The following CDC20 variants were observed in gnomAD, a reference collection of about 807,000 sequenced individuals.
The protein encoded by CDC20 is cell division cycle 20, also known as cell division cycle protein 20 homolog.
In CDC20, 34 loss-of-function variants were observed where a neutral mutation model predicts 60.0. That is an observed-to-expected ratio of 0.57 (90% confidence interval 0.43 to 0.75). The LOEUF is 0.75. Ranked by LOEUF, CDC20 falls within the 30% of genes least tolerant of loss-of-function variation. The pLI, the probability that CDC20 is intolerant of heterozygous loss-of-function variation, is 0.00. For synonymous variants in CDC20, 198 were observed against 243.5 expected, an observed-to-expected ratio of 0.81 and a Z score of 1.74; for missense variants, 469 against 647.3, an observed-to-expected ratio of 0.72 and a Z score of 2.99.
chr1:43,359,397 GT>G lies in CDC20; in HGVS notation c.181+2del. On this transcript the variant is annotated splice_donor_variant, in intron 2 of 10. Coordinates refer to ENST00000310955, the MANE Select transcript of CDC20 (RefSeq NM_001255.3). LOFTEE classifies it high-confidence loss of function. ...GGCAGGACTCCGGGCCGAACTCCTG[GT>G]CAGTGAGGTGCCAAAGGAACTGAGT... 6.2e-7 allele frequency: 1 copy of G among 1,612,898 alleles called. No individual in the cohort carries two copies. Among genetic ancestry groups the G allele is most frequent in the East Asian group, 2.2e-5 (1 of 44,840 alleles).
rs750044222 is a variant in CDC20, at chr1:43,359,304, G to T, written c.89G>T (p.Arg30Leu). Residue 30 changes from arginine to leucine, a missense_variant, in exon 2 of 11, where the codon CGC becomes CTC. This residue lies in a region of CDC20 where 115 missense variants were observed against 156.1 expected (regional missense o/e 0.74). Transcript: ENST00000310955. The part of the protein sequence containing the change: ...IPNAPPARWQ[R>L]KAKEAAGPAP... ...AATGCACCCCCTGCGCGCTGGCAGC[G>T]CAAAGCCAAGGAAGCCGCAGGCCCG... 15 of 1,612,596 alleles carry T rather than the reference G, an allele frequency of 9.3e-6. No individual in the cohort carries two copies. Among genetic ancestry groups the T allele is most frequent in the African/African-American group, 1.3e-5 (1 of 75,024 alleles).
Position 43,360,230 on chromosome 1 carries a change from G to A in CDC20, c.594G>A (p.Leu198=), listed in dbSNP as rs745942803. ...NLVDWSSGNV[L]AVALDNSVYL... is the part of the protein sequence containing the mutation. ...TGGATTGGAGTTCTGGGAATGTACT[G>A]GCCGTGGCACTGGACAACAGTGTGT... Residue 198 remains leucine (L), a synonymous_variant, in exon 6 of 11, where the codon CTG becomes CTA. Transcript: ENST00000310955. 25 of 1,614,096 alleles carry A rather than the reference G, an allele frequency of 1.5e-5. No homozygotes were observed. Among genetic ancestry groups the A allele is most frequent in the Non-Finnish European group, 2.0e-5 (24 of 1,180,048 alleles).
rs1371181265 is a variant in CDC20, at chr1:43,360,781, A to C, written c.897A>C (p.Glu299Asp). The C allele has an allele frequency of 5.0e-6, 8 of 1,614,162 alleles. No individual in the cohort carries two copies. The highest frequency in any genetic ancestry group is 6.8e-6 in the Non-Finnish European group (8 of 1,180,004). Residue 299 changes from glutamate (E) to aspartate (D), a missense_variant, in exon 8 of 11, where the codon GAA becomes GAC. By Grantham distance (45) the Glu-to-Asp change is conservative. This residue lies in a region of CDC20 where 255 missense variants were observed against 326.7 expected (regional missense o/e 0.78). Transcript: ENST00000310955. ...HIHHHDVRVA[E>D]HHVATLSGHS... ...ACCACCATGATGTTCGGGTAGCAGAACACCATGTGGCCACACTGAGTGGCC... is the reference window on the plus strand; with the variant it reads ...ACCACCATGATGTTCGGGTAGCAGACCACCATGTGGCCACACTGAGTGGCC...
intron 9 of CDC20, 82 bp from the exon 10 acceptor site, chr1:43,362,113 G>A: frequency 1.3e-6 from 1 of 762,330 alleles, no homozygotes; most frequent in Non-Finnish European, 2.3e-6. Context: ...CATGTGGCAG[G>A]GTGCCTAACA....
At chr1:43,362,132 G>T in intron 9 of CDC20, 63 bp from the exon 10 acceptor site, 1 of 923,352 alleles carries the variant, frequency 1.1e-6, no homozygotes, top group South Asian at 1.4e-5. Flanking sequence ...CACTAGAATG[G>T]GCTCAGTTCT....
At chr1:43,359,124 G>A in intron 1 of CDC20, 43 bp from the exon 2 acceptor site, 1 of 1,337,434 alleles carries the variant, frequency 7.5e-7, no homozygotes, top group Non-Finnish European at 1.1e-6. Flanking sequence ...GAGCGAAGGG[G>A]TCCCTTTCTG....
In CDC20 at chr1:43,363,033, G is replaced by GCTAT. The variant is rs1553130111; in HGVS notation, c.1405_1408dup (p.Trp470SerfsTer6). 6.2e-7 allele frequency: 1 copy of GCTAT among 1,613,670 alleles called. No individual in the cohort carries two copies. The highest frequency in any genetic ancestry group is 1.7e-5 in the Admixed American group (1 of 59,898). On this transcript the variant is annotated frameshift_variant, in exon 11 of 11. Coordinates refer to ENST00000310955, the MANE Select transcript of CDC20 (RefSeq NM_001255.3). LOFTEE classifies it high-confidence loss of function. Reference sequence around the variant, plus strand: ...CCGCAGCAGCAGATGAGACCCTGAGGCTATGGCGCTGTTTTGAGTTGGACC... The same window carrying GCTAT: ...CCGCAGCAGCAGATGAGACCCTGAGGCTATCTATGGCGCTGTTTTGAGTTGGACC...
intron 5 of CDC20, 27 bp downstream of exon 5, chr1:43,360,124 T>C: frequency 1.2e-6 from 2 of 1,614,168 alleles, no homozygotes; most frequent in Non-Finnish European, 8.5e-7. Flanking sequence ...CCTCGCCTCA[T>C]GCATGGAGAA....
rs1422279845 is a variant in CDC20 at position 43,360,762 on chromosome 1, A to G, written c.878A>G (p.His293Arg). 1 of 1,614,046 alleles carries G rather than the reference A, an allele frequency of 6.2e-7. No individual in the cohort carries two copies. Among genetic ancestry groups the G allele is most frequent in the Non-Finnish European group, 8.5e-7 (1 of 1,179,918 alleles). The change falls in exon 8 of 11, where the codon CAT becomes CGT. Residue 293 changes from histidine to arginine, a missense_variant. Coordinates refer to ENST00000310955, the MANE Select transcript of CDC20 (RefSeq NM_001255.3). ...SGSRSGHIHH[H>R]DVRVAEHHVA... Reference sequence around the variant, plus strand: ...TCACGTTCTGGCCACATCCACCACCATGATGTTCGGGTAGCAGAACACCAT... The same window carrying G: ...TCACGTTCTGGCCACATCCACCACCGTGATGTTCGGGTAGCAGAACACCAT...
Position 43,360,246 on chromosome 1 carries a change from A to G in CDC20, c.610A>G (p.Asn204Asp), listed in dbSNP as rs758421116. ...SGNVLAVALD[N>D]SVYLWSASSG... ...GAATGTACTGGCCGTGGCACTGGAC[A>G]ACAGTGTGTACCTGTGGAGTGCAAG... The change falls in exon 6 of 11, where the codon AAC (asparagine) becomes GAC (aspartate). Residue 204 changes from asparagine to aspartate, a missense_variant. Asn to Asp is a conservative substitution (Grantham distance 23). Around this residue, in one of 5 missense-constraint regions of CDC20, gnomAD observed 255 missense variants for 326.7 expected, o/e 0.78. Coordinates refer to ENST00000310955, the MANE Select transcript of CDC20 (RefSeq NM_001255.3). The G allele has an allele frequency of 1.2e-6, 2 of 1,614,076 alleles. No individual in the cohort carries two copies. Among genetic ancestry groups the G allele is most frequent in the African/African-American group, 1.3e-5 (1 of 74,930 alleles).
intron 9 of CDC20, 127 bp downstream of exon 9, chr1:43,361,372 G>T (rs1242343260): frequency 3.2e-6 from 3 of 923,228 alleles, no homozygotes; most frequent in Non-Finnish European, 4.8e-6. Flanking sequence ...TCACTCATGA[G>T]CTTCATTTCC....
chr1:43,359,272 C>T lies in CDC20; in HGVS notation c.57C>T (p.Pro19=). Residue 19 remains proline (P), a synonymous_variant, in exon 2 of 11, where the codon CCC becomes CCT. Transcript: ENST00000310955. The part of the protein sequence containing the change: ...DLHSLLQLDA[P]IPNAPPARWQ... Reference sequence around the variant, plus strand: ...ACTCGCTGCTTCAGCTGGATGCACCCATCCCCAATGCACCCCCTGCGCGCT... The same window carrying T: ...ACTCGCTGCTTCAGCTGGATGCACCTATCCCCAATGCACCCCCTGCGCGCT... 8 of 1,612,146 alleles carry T rather than the reference C, an allele frequency of 5.0e-6. No individual in the cohort carries two copies. The highest frequency in any genetic ancestry group is 6.8e-6 in the Non-Finnish European group (8 of 1,179,922).
In CDC20 at chr1:43,359,016, G is replaced by T; in HGVS notation, c.-50+10G>T. ...TGCTCCGGAGGGCACGGTGAGAGGTGGTGGGGCTGAGCCGAGGTGGGGCCG... is the reference window on the plus strand; with the variant it reads ...TGCTCCGGAGGGCACGGTGAGAGGTTGTGGGGCTGAGCCGAGGTGGGGCCG... On this transcript the variant is annotated intron_variant, in intron 1 of 10. Transcript: ENST00000310955. The T allele has an allele frequency of 1.6e-6, 1 of 614,988 alleles. No homozygotes were observed. The highest frequency in any genetic ancestry group is 2.9e-6 in the Non-Finnish European group (1 of 347,614). 38.1% of individuals were successfully genotyped at this position (614,988 alleles called of 1,614,324 possible).
rs532070224 is a variant in CDC20 at position 43,362,104 on chromosome 1, A to T, written c.1204-91A>T. The T allele has an allele frequency of 1.8e-4, 133 of 728,670 alleles. 3 individuals are homozygous for T. In the South Asian group the frequency reaches 1.9e-3, roughly 11 times the overall value. 45.1% of individuals were successfully genotyped at this position (728,670 alleles called of 1,614,324 possible). Reference sequence around the variant, plus strand: ...GATCATTCAACTCTGAGTCTGGAGCATGTGGCAGGGTGCCTAACACTAGAA... The same window carrying T: ...GATCATTCAACTCTGAGTCTGGAGCTTGTGGCAGGGTGCCTAACACTAGAA... On this transcript the variant is annotated intron_variant, in intron 9 of 10. Coordinates refer to ENST00000310955, the MANE Select transcript of CDC20 (RefSeq NM_001255.3).
chr1:43,361,702 C>T (rs191178789), intron 9 of CDC20, among the ~76,000 whole-genome samples: 120 of 152,310 alleles, frequency 7.9e-4, no homozygotes, highest in Non-Finnish European at 1.6e-3. Flanking sequence ...TGCAATGCAT[C>T]CTCCATGCTG....
Position 43,362,178 on chromosome 1 carries a change from C to T in CDC20, c.1204-17C>T, listed in dbSNP as rs1431370139. On this transcript the variant is annotated splice_polypyrimidine_tract_variant and intron_variant, in intron 9 of 10. Coordinates refer to ENST00000310955, the MANE Select transcript of CDC20 (RefSeq NM_001255.3). ...GCCTTGGCTATATGTCATGCCCACA[C>T]CAGCTCCTCTCCACAGGTGTGCTCC... 2 of 1,526,084 alleles carry T rather than the reference C, an allele frequency of 1.3e-6. No individual in the cohort carries two copies. The highest frequency in any genetic ancestry group is 1.8e-6 in the Non-Finnish European group (2 of 1,101,014). 94.5% of individuals were successfully genotyped at this position (1,526,084 alleles called of 1,614,324 possible).
intron 3 of CDC20, 32 bp from the exon 4 acceptor site, chr1:43,359,693 C>A: frequency 6.2e-7 from 1 of 1,613,538 alleles, no homozygotes; most frequent in South Asian, 1.1e-5. Context: ...TTGGATAATA[C>A]CATCTTGCTC....
At position 43,360,939 on chromosome 1, in the gene CDC20, C is replaced by G. The variant is rs1647170010; in HGVS notation, c.1055C>G (p.Thr352Ser). Residue 352 changes from threonine (T) to serine (S), a missense_variant, in exon 8 of 11, where the codon ACC becomes AGC. By Grantham distance (58) the Thr-to-Ser change is moderately conservative. This residue lies in a region of CDC20 where 255 missense variants were observed against 326.7 expected (regional missense o/e 0.78). Coordinates refer to ENST00000310955, the MANE Select transcript of CDC20 (RefSeq NM_001255.3). ...GGCTGGGTTCCTCTGCAGACATTCA[C>G]CCAGCATCAAGGGGCTGTCAAGGTG... ...EGGWVPLQTFTQHQGAVKAVA... is the reference protein window; with the variant it reads ...EGGWVPLQTFSQHQGAVKAVA... 1.2e-6 allele frequency: 2 copies of G among 1,613,714 alleles called. No individual in the cohort carries two copies. Among genetic ancestry groups the G allele is most frequent in the African/African-American group, 2.7e-5 (2 of 74,900 alleles).
At chr1:43,359,094 C>G in intron 1 of CDC20, 73 bp from the exon 2 acceptor site, 1 of 1,037,698 alleles carries the variant, frequency 9.6e-7, no homozygotes, top group Non-Finnish European at 1.5e-6. Context: ...GAGGGTGGCC[C>G]TGATTTTGTG....
Sources: allele counts gnomAD v4.1 joint callset (sites outside exome capture counted in the v4.1 genomes callset), GRCh38; gene constraint gnomAD v4.1.1; regional missense constraint gnomAD v4.1.1; transcripts MANE v1.5; gene names NCBI Gene and HGNC (gene_info 2026-07-23, HGNC 2026-07-21).